The following BTBD9 variants were observed in gnomAD, a reference collection of about 807,000 sequenced individuals.
The protein encoded by BTBD9 is BTB/POZ domain-containing protein 9.
In BTBD9, 49 loss-of-function variants were observed where a neutral mutation model predicts 64.3. The observed-to-expected ratio is 0.76, with a 90% CI of 0.61 to 0.97. The LOEUF (loss-of-function observed/expected upper bound fraction) is 0.97. BTBD9 is among the 50% of genes least tolerant of loss of function. The pLI, the probability that BTBD9 is intolerant of heterozygous loss-of-function variation, is 0.00. For synonymous variants in BTBD9, 260 were observed against 274.7 expected (o/e 0.95, Z 0.53); for missense variants, 598 against 762.1 (o/e 0.78, Z 2.53).
chr6:38,515,607 C>A (rs1038636153), intron 6 of BTBD9, among the ~76,000 whole-genome samples: 1 of 152,184 alleles, frequency 6.6e-6, no homozygotes, highest in Non-Finnish European at 1.5e-5. Context: ...AATATCCTCT[C>A]TCCATACTCC....
intron 6 of BTBD9, among the ~76,000 whole-genome samples, chr6:38,411,450 T>C (rs1767421556): frequency 6.6e-6 from 1 of 152,140 alleles, no homozygotes; most frequent in Non-Finnish European, 1.5e-5. Flanking sequence ...AAATCAGGGA[T>C]GGGCTTTTTA....
intron 1 of BTBD9, among the ~76,000 whole-genome samples, chr6:38,625,827 G>A (rs1778144381): frequency 1.3e-5 from 2 of 152,082 alleles, no homozygotes. Flanking sequence ...GCCCCTAAAG[G>A]GTAACTATGA....
At chr6:38,304,017 T>C (rs899021938) in intron 7 of BTBD9, among the ~76,000 whole-genome samples, 4 of 150,592 alleles carry the variant, frequency 2.7e-5, no homozygotes, top group African/African-American at 9.7e-5. Flanking sequence ...GACATAATTA[T>C]TCATTAATGT....
At chr6:38,400,567 G>A (rs1310234772) in intron 6 of BTBD9, among the ~76,000 whole-genome samples, 1 of 151,850 alleles carries the variant, frequency 6.6e-6, no homozygotes, top group Non-Finnish European at 1.5e-5. Context: ...TCTTCCCTAG[G>A]TTCTTCTAAT....
chr6:38,275,265 T>A (rs929515919), intron 8 of BTBD9, among the ~76,000 whole-genome samples: 1 of 151,858 alleles, frequency 6.6e-6, no homozygotes, highest in East Asian at 1.9e-4. Flanking sequence ...CCCTATTTAA[T>A]AAATGGTGCT....
intron 7 of BTBD9, among the ~76,000 whole-genome samples, chr6:38,306,314 T>C (rs1762620296): frequency 6.6e-6 from 1 of 152,216 alleles, no homozygotes; most frequent in South Asian, 2.1e-4. Flanking sequence ...AAACCCAGTG[T>C]CTTGTATCTG....
At chr6:38,301,748 C>T (rs1034716685) in intron 7 of BTBD9, among the ~76,000 whole-genome samples, 1 of 152,094 alleles carries the variant, frequency 6.6e-6, no homozygotes, top group Non-Finnish European at 1.5e-5. Flanking sequence ...ATTCTTCTCT[C>T]TTTTCTTCTA....
chr6:38,466,575 T>C (rs1277074759), intron 6 of BTBD9, among the ~76,000 whole-genome samples: 2 of 152,030 alleles, frequency 1.3e-5, no homozygotes, highest in Admixed American at 6.6e-5. Context: ...ATTACAGGCA[T>C]GGGCTACCGC....
intron 9 of BTBD9, among the ~76,000 whole-genome samples, chr6:38,238,741 A>G (rs9369041): frequency 0.1 from 15,578 of 152,068 alleles, 1,187 homozygotes; most frequent in East Asian, 0.45. Flanking sequence ...CCAAAGTGCC[A>G]GGATTACAGG....
Position 38,316,423 on chromosome 6 carries a change from A to G in BTBD9, c.1265-27962T>C, listed in dbSNP as rs557574962. On this transcript the variant is annotated intron_variant, in intron 7 of 10. Transcript: ENST00000481247. ...AGTGAAGGTGATTTTTTCTGGTGCTATGTTTTAATTTCTTGCTCTTTATTT... is the reference window on the plus strand; with the variant it reads ...AGTGAAGGTGATTTTTTCTGGTGCTGTGTTTTAATTTCTTGCTCTTTATTT... Among the ~76,000 whole-genome samples the G allele has an allele frequency of 2.6e-5, 4 of 152,136 alleles. No individual in the cohort carries two copies. The South Asian group carries it at 6.2e-4, about 24-fold the overall frequency.
intron 9 of BTBD9, among the ~76,000 whole-genome samples, chr6:38,238,412 G>C (rs1054734907): frequency 6.6e-6 from 1 of 151,682 alleles, no homozygotes; most frequent in African/African-American, 2.4e-5. Context: ...AATTGGTTGA[G>C]AGTTATTATC....
chr6:38,200,051 C>T (rs1482284309), intron 9 of BTBD9, among the ~76,000 whole-genome samples: 3 of 152,220 alleles, frequency 2.0e-5, no homozygotes, highest in Admixed American at 2.0e-4. Flanking sequence ...GAAGCATGGC[C>T]TGCTGTCCTC....
Position 38,491,916 on chromosome 6 carries a change from T to C in BTBD9, c.1154+85684A>G, listed in dbSNP as rs1235894170. ...TTAATTTTTTCAAGCTTGCTGTCTT[T>C]CATGTAAATAAAAAGGAAAGAGTAA... On this transcript the variant is annotated intron_variant, in intron 6 of 10. Transcript: ENST00000481247. Among the ~76,000 whole-genome samples the C allele has an allele frequency of 2.4e-4, 37 of 152,130 alleles. 1 individual carries two copies. Among genetic ancestry groups the C allele is most frequent in the Admixed American group, 2.4e-3 (37 of 15,266 alleles).
chr6:38,485,424 T>C (rs776834819), intron 6 of BTBD9, among the ~76,000 whole-genome samples: 47 of 152,216 alleles, frequency 3.1e-4, no homozygotes, highest in Non-Finnish European at 4.9e-4. Flanking sequence ...CCTTACAAAA[T>C]GTATTTCGTA....
rs1211956830 is a variant in BTBD9, at chr6:38,592,644, G to C, written c.746C>G (p.Ala249Gly). The C allele has an allele frequency of 5.6e-6, 9 of 1,614,068 alleles. No individual in the cohort carries two copies. Among genetic ancestry groups the C allele is most frequent in the South Asian group, 1.1e-5 (1 of 91,078 alleles). Residue 249 changes from alanine (A) to glycine (G), a missense_variant, in exon 4 of 11, where the codon GCC becomes GGC. Ala to Gly is a moderately conservative substitution (Grantham distance 60, BLOSUM62 0). Coordinates refer to ENST00000481247, the MANE Select transcript of BTBD9 (RefSeq NM_001099272.2). ...VRPSGLLSPDAILDAIKVRSE... is the reference protein window; with the variant it reads ...VRPSGLLSPDGILDAIKVRSE... ...TCGCACTTTAATGGCATCCAGGATGGCATCAGGAGACAGCAGTCCTGAAGG... is the reference window on the plus strand; with the variant it reads ...TCGCACTTTAATGGCATCCAGGATGCCATCAGGAGACAGCAGTCCTGAAGG...
At chr6:38,340,984 T>TTG (rs1764074127) in intron 7 of BTBD9, among the ~76,000 whole-genome samples, 1 of 152,176 alleles carries the variant, frequency 6.6e-6, no homozygotes. Flanking sequence ...TGCTAAATGT[T>TTG]ACCACGGAAA....
intron 8 of BTBD9, among the ~76,000 whole-genome samples, chr6:38,261,185 C>G (rs561631734): frequency 6.6e-6 from 1 of 152,012 alleles, no homozygotes; most frequent in Non-Finnish European, 1.5e-5. Context: ...CTCAGCTTCT[C>G]AAAGTGTTGG....
At chr6:38,596,788 G>A (rs933486319) in intron 2 of BTBD9, among the ~76,000 whole-genome samples, 125 of 138,636 alleles carry the variant, frequency 9.0e-4, no homozygotes, top group African/African-American at 3.3e-3. Flanking sequence ...GCGACAGAGT[G>A]AGACTCCGTC....
intron 9 of BTBD9, among the ~76,000 whole-genome samples, chr6:38,224,267 T>C (rs1047964242): frequency 8.5e-5 from 13 of 152,174 alleles, no homozygotes; most frequent in Admixed American, 6.6e-4. Context: ...GATTTGAGTC[T>C]CATAGTCTGC....
Sources: gnomAD v4.1 joint callset for allele counts (sites outside exome capture counted in the v4.1 genomes callset) on GRCh38, gnomAD v4.1.1 for gene constraint, MANE v1.5 for transcripts, NCBI Gene and HGNC (gene_info 2026-07-23, HGNC 2026-07-21) for gene names.